Variants in ZC3HAV1L observed in about 807,000 individuals in gnomAD.
ZC3HAV1L encodes zinc finger CCCH-type antiviral protein 1-like.
Under a neutral mutation model 28.2 loss-of-function variants are expected in ZC3HAV1L, and 23 were observed. The observed-to-expected ratio is 0.82, with a 90% CI of 0.59 to 1.16. ZC3HAV1L has a LOEUF of 1.16. Among genes scored for constraint, ZC3HAV1L ranks in the 50% most tolerant of loss-of-function variants. The pLI is 0.00. For missense variants in ZC3HAV1L, 376 were observed against 387.7 expected, an observed-to-expected ratio of 0.97 and a Z score of 0.25; for synonymous variants, 180 against 163.4, an observed-to-expected ratio of 1.10 and a Z score of -0.78.
rs748901612 is a variant in ZC3HAV1L, at chr7:139,035,855, C to G, written c.163G>C (p.Glu55Gln). The change falls in exon 1 of 5, where the codon GAG (glutamate) becomes CAG (glutamine). Residue 55 changes from glutamate to glutamine, a missense_variant. Glu to Gln is a conservative substitution (Grantham distance 29, BLOSUM62 2). Coordinates refer to ENST00000275766, the MANE Select transcript of ZC3HAV1L (RefSeq NM_080660.4). ...GPERFLLQEVETQEGLGDAEA... is the reference protein window; with the variant it reads ...GPERFLLQEVQTQEGLGDAEA... ...GCGTCCCCGAGGCCCTCCTGCGTCT[C>G]CACCTCCTGCAGCAGGAAACGCTCG... 26 of 1,506,578 alleles carry G rather than the reference C, an allele frequency of 1.7e-5. No individual in the cohort carries two copies. Among genetic ancestry groups the G allele is most frequent in the Non-Finnish European group, 2.3e-5 (26 of 1,135,516 alleles). 93.3% of individuals were successfully genotyped at this position (1,506,578 alleles called of 1,614,324 possible).
At chr7:139,034,521 G>C (rs1449434101) in intron 2 of ZC3HAV1L, 22 bp downstream of exon 2, 2 of 1,612,458 alleles carry the variant, frequency 1.2e-6, no homozygotes, top group Non-Finnish European at 1.7e-6. Flanking sequence ...TGTGACATGA[G>C]GGTGACTCCT....
chr7:139,026,902 C>T (rs1815370393), intron 3 of ZC3HAV1L, 69 bp from the exon 4 acceptor site: 2 of 1,521,732 alleles, frequency 1.3e-6, no homozygotes. Flanking sequence ...GAGCAACAGC[C>T]CAGCTAACCA....
chr7:139,034,246 T>C (rs1201754814), intron 2 of ZC3HAV1L: 3 of 891,392 alleles, frequency 3.4e-6, no homozygotes, highest in Non-Finnish European at 4.0e-6. Flanking sequence ...GTGTCTATGA[T>C]AGCATCACTG....
chr7:139,034,340 T>A (rs951449431), intron 2 of ZC3HAV1L, among the ~76,000 whole-genome samples: 1 of 152,244 alleles, frequency 6.6e-6, no homozygotes, highest in African/African-American at 2.4e-5. Context: ...ATTTTGTTTT[T>A]AAAACTTCTT....
chr7:139,026,558 A>G lies in ZC3HAV1L; in HGVS notation c.889T>C (p.Ser297Pro), dbSNP rs1457894117. The stretch of plus-strand genomic sequence containing the variant: ...TTCCATCTTCTTTACTTCTCGCAAG[A>G]CACTGTGAGGTAGATATTATTATGA... ...AQSAKKPCPV[S>P]CEK The change falls in exon 5 of 5, where the codon TCT (serine) becomes CCT (proline). Residue 297 changes from serine to proline, a missense_variant and splice_region_variant. By Grantham distance (74) the Ser-to-Pro change is moderately conservative. Transcript: ENST00000275766. 1.2e-6 allele frequency: 2 copies of G among 1,613,388 alleles called. No individual in the cohort carries two copies. The highest frequency in any genetic ancestry group is 2.7e-5 in the African/African-American group (2 of 74,922).
chr7:139,035,749 A>G lies in ZC3HAV1L; in HGVS notation c.269T>C (p.Leu90Pro), dbSNP rs1382668768. 1 of 1,492,224 alleles carries G rather than the reference A, an allele frequency of 6.7e-7. No individual in the cohort carries two copies. The highest frequency in any genetic ancestry group is 8.9e-7 in the Non-Finnish European group (1 of 1,129,738). 92.4% of individuals were successfully genotyped at this position (1,492,224 alleles called of 1,614,324 possible). The change falls in exon 1 of 5, where the codon CTC (leucine) becomes CCC (proline). Residue 90 changes from leucine (L) to proline (P), a missense_variant. Physicochemically the swap from Leu to Pro is moderately conservative, Grantham distance 98. Transcript: ENST00000275766. ...CTCGCCGCGCTGGTAGCGGGCGCAG[A>G]GGCGCACAGAGGACACGGCCACCAC... ...WRVVAVSSVRLCARYQRGECQ... is the reference protein window; with the variant it reads ...WRVVAVSSVRPCARYQRGECQ...
chr7:139,028,802 C>T lies in ZC3HAV1L; in HGVS notation c.660G>A (p.Lys220=), dbSNP rs1235932772. Residue 220 remains lysine, a synonymous_variant, in exon 3 of 5, where the codon AAG becomes AAA. Transcript: ENST00000275766. ...SHQLIHAASL[K]LLQDQGLNIP... ...TATTCAGTCCTTGGTCCTGTAGCAGCTTCAAAGATGCAGCATGGATAAGCT... is the reference window on the plus strand; with the variant it reads ...TATTCAGTCCTTGGTCCTGTAGCAGTTTCAAAGATGCAGCATGGATAAGCT... 3 of 1,614,054 alleles carry T rather than the reference C, an allele frequency of 1.9e-6. No homozygotes were observed. Among genetic ancestry groups the T allele is most frequent in the African/African-American group, 1.3e-5 (1 of 74,908 alleles).
intron 1 of ZC3HAV1L, 72 bp downstream of exon 1, chr7:139,035,581 G>A: frequency 1.5e-6 from 2 of 1,339,722 alleles, no homozygotes; most frequent in Non-Finnish European, 1.9e-6. Flanking sequence ...CCTTCCCGTC[G>A]CTCCCGCTTC....
chr7:139,035,258 T>A, intron 1 of ZC3HAV1L: 1 of 985,354 alleles, frequency 1.0e-6, no homozygotes, highest in Non-Finnish European at 1.2e-6. Context: ...GGAGCAGCGA[T>A]TTCCGGCTAA....
intron 2 of ZC3HAV1L, among the ~76,000 whole-genome samples, chr7:139,033,033 C>T (rs1469748442): frequency 2.6e-5 from 4 of 152,094 alleles, no homozygotes; most frequent in African/African-American, 7.2e-5. Context: ...CATGGTGAAA[C>T]GCTATCTCTA....
At chr7:139,035,289 G>A (rs1009059111) in intron 1 of ZC3HAV1L, 3 of 985,256 alleles carry the variant, frequency 3.0e-6, no homozygotes, top group African/African-American at 3.5e-5. Flanking sequence ...GATCTCATGG[G>A]ATCCTCAGAC....
Position 139,028,836 on chromosome 7 carries a change from C to A in ZC3HAV1L, c.626G>T (p.Arg209Leu). The change falls in exon 3 of 5, where the codon CGG becomes CTG. Residue 209 changes from arginine (R) to leucine (L), a missense_variant. Physicochemically the swap from Arg to Leu is moderately radical, Grantham distance 102. Coordinates refer to ENST00000275766, the MANE Select transcript of ZC3HAV1L (RefSeq NM_080660.4). Reference protein sequence around the residue: ...KGECKLQTCKRSHQLIHAASL... With the variant: ...KGECKLQTCKLSHQLIHAASL... Reference sequence around the variant, plus strand: ...TGCAGCATGGATAAGCTGATGGGACCGTTTGCAGGTCTGAAGTTTGCATTC... The same window carrying A: ...TGCAGCATGGATAAGCTGATGGGACAGTTTGCAGGTCTGAAGTTTGCATTC... 6.2e-7 allele frequency: 1 copy of A among 1,614,100 alleles called. No homozygotes were observed. Among genetic ancestry groups the A allele is most frequent in the Non-Finnish European group, 8.5e-7 (1 of 1,180,038 alleles).
chr7:139,034,004 T>C (rs528095828), intron 2 of ZC3HAV1L: 2 of 985,448 alleles, frequency 2.0e-6, no homozygotes, highest in East Asian at 1.1e-4. Context: ...GGAAGAAACC[T>C]GCTTGTTCCT....
chr7:139,021,681 T>C (rs1050516166), downstream of ZC3HAV1L, among the ~76,000 whole-genome samples: 3 of 152,090 alleles, frequency 2.0e-5, no homozygotes, highest in Non-Finnish European at 4.4e-5. Context: ...AATTTGATTG[T>C]ATCAAAAGAC....
intron 1 of ZC3HAV1L, chr7:139,035,209 G>A (rs1256332370): frequency 5.1e-6 from 5 of 985,452 alleles, no homozygotes; most frequent in East Asian, 2.3e-4. Context: ...TAAACCTAGA[G>A]GGCGCAGACC....
chr7:139,035,110 C>A, intron 1 of ZC3HAV1L: 1 of 985,456 alleles, frequency 1.0e-6, no homozygotes, highest in African/African-American at 1.7e-5. Flanking sequence ...GGAGGCAGCC[C>A]CGAACCCCAG....
chr7:139,030,831 T>TA (rs1326643887), intron 2 of ZC3HAV1L, among the ~76,000 whole-genome samples: 23 of 36,584 alleles, frequency 6.3e-4, no homozygotes, highest in African/African-American at 2.0e-3. Flanking sequence ...AAAATAATAA[T>TA]AATTAATTAA....
chr7:139,024,120 A>G (rs909463402), downstream of ZC3HAV1L, among the ~76,000 whole-genome samples: 1 of 152,216 alleles, frequency 6.6e-6, no homozygotes, highest in Non-Finnish European at 1.5e-5. Context: ...GCGACTTGAC[A>G]TCAAAAACCC....
At chr7:139,033,751 A>G in intron 2 of ZC3HAV1L, 1 of 985,452 alleles carries the variant, frequency 1.0e-6, no homozygotes, top group Non-Finnish European at 1.2e-6. Flanking sequence ...TATAAATCAA[A>G]AAGTACTATA....
Sources: allele counts gnomAD v4.1 joint callset (sites outside exome capture counted in the v4.1 genomes callset), GRCh38; gene constraint gnomAD v4.1.1; transcripts MANE v1.5; gene names NCBI Gene and HGNC (gene_info 2026-07-23, HGNC 2026-07-21).